The following CYFIP1 variants were observed in gnomAD, a reference collection of about 807,000 sequenced individuals.
CYFIP1 encodes the protein cytoplasmic FMR1-interacting protein 1.
In CYFIP1, 58 loss-of-function variants were observed where a neutral mutation model predicts 163.5. That is an observed-to-expected ratio of 0.35 (90% CI 0.29 to 0.44). The LOEUF is 0.44. Ranked by LOEUF, CYFIP1 falls within the 20% of genes least tolerant of loss-of-function variation. CYFIP1 has a pLI of 1.00. For synonymous variants in CYFIP1, 663 were observed against 660.7 expected, an observed-to-expected ratio of 1.00 and a Z score of -0.05; for missense variants, 1,338 against 1,653.8, an observed-to-expected ratio of 0.81 and a Z score of 3.31.
At chr15:22,951,620 C>T in intron 1 of CYFIP1, 1 of 1,191,766 alleles carries the variant, frequency 8.4e-7, no homozygotes, top group South Asian at 1.3e-5. Flanking sequence ...GGGGCGTGTC[C>T]AGTCATGCCC....
Position 22,917,858 on chromosome 15 carries a change from C to T in CYFIP1, c.1604G>A (p.Gly535Asp), listed in dbSNP as rs2061044078. ...GAAGCCGCTCTTGGGGTCCTTCTCG[C>T]CCCGCAAGGCTGGGTCATTGAAGGG... ...HEPFNDPALR[G>D]EKDPKSGFDI... The change falls in exon 15 of 31, where the codon GGC becomes GAC. Residue 535 changes from glycine to aspartate, a missense_variant. Gly to Asp is a moderately conservative substitution (Grantham distance 94). This residue lies in a region of CYFIP1 where 824 missense variants were observed against 995.7 expected (regional missense o/e 0.83). Transcript: ENST00000617928. This position sits in a 1 kb window ranked among gnomAD's most constrained non-coding sequence, Gnocchi z 4.2. 5 of 1,613,900 alleles carry T rather than the reference C, an allele frequency of 3.1e-6. No individual in the cohort carries two copies. The highest frequency in any genetic ancestry group is 4.2e-6 in the Non-Finnish European group (5 of 1,179,936).
At chr15:22,964,399 A>C (rs1298400617) in intron 1 of CYFIP1, among the ~76,000 whole-genome samples, 2 of 138,726 alleles carry the variant, frequency 1.4e-5, no homozygotes, top group East Asian at 2.2e-4. Flanking sequence ...ACACACACAC[A>C]CACACACACC....
chr15:22,931,712 C>CAAAAAAAAAAA (rs2061544613), intron 11 of CYFIP1, among the ~76,000 whole-genome samples: 5 of 49,906 alleles, frequency 1.0e-4, no homozygotes, highest in Middle Eastern at 0.01. Context: ...AAAAAAAAAG[C>CAAAAAAAAAAA]TTTTTGTACA....
chr15:22,873,884 C>G (rs1000393098), intron 28 of CYFIP1, among the ~76,000 whole-genome samples, 155 bp from the exon 29 acceptor site: 1 of 152,196 alleles, frequency 6.6e-6, no homozygotes, highest in Admixed American at 6.5e-5. Flanking sequence ...CTTGACTTCC[C>G]AGGCTCAAGC....
rs2140095223 is a variant in CYFIP1, at chr15:22,943,333, A to T, written c.409T>A (p.Cys137Ser). The T allele has an allele frequency of 3.1e-6, 5 of 1,614,116 alleles. No individual in the cohort carries two copies. The highest frequency in any genetic ancestry group is 4.2e-6 in the Non-Finnish European group (5 of 1,180,028). ...TGGCACAGGCGCCTCACTTCCCCGC[A>T]GAAACGCTCAATGGCATTTCTCTGT... ...YFQRNAIERF[C>S]GEVRRLCHAE... is the part of the protein sequence containing the mutation. Residue 137 changes from cysteine to serine, a missense_variant, in exon 6 of 31, where the codon TGC becomes AGC. Around this residue, in one of 4 missense-constraint regions of CYFIP1, gnomAD observed 186 missense variants for 288.3 expected, o/e 0.65. Coordinates refer to ENST00000617928, the MANE Select transcript of CYFIP1 (RefSeq NM_014608.6).
chr15:22,933,832 G>A lies in CYFIP1; in HGVS notation c.962C>T (p.Thr321Ile). Residue 321 changes from threonine (T) to isoleucine (I), a missense_variant, in exon 10 of 31, where the codon ACC (threonine) becomes ATC (isoleucine). This residue lies in a region of CYFIP1 where 824 missense variants were observed against 995.7 expected (regional missense o/e 0.83). Transcript: ENST00000617928. ...TTTATTTTCCTCGTAGTGGGCGCTG[G>A]TCTTGATATATCTTGCCAGTTCTAT... ...MQIELARYIK[T>I]SAHYEENKSR... 6.2e-7 allele frequency: 1 copy of A among 1,613,244 alleles called. No homozygotes were observed. The highest frequency in any genetic ancestry group is 8.5e-7 in the Non-Finnish European group (1 of 1,179,706).
At chr15:22,877,212 G>A (rs1212222769) in intron 26 of CYFIP1, among the ~76,000 whole-genome samples, 6 of 152,142 alleles carry the variant, frequency 3.9e-5, no homozygotes, top group Admixed American at 6.5e-5. Context: ...AAGCTCCTGC[G>A]AGAGCAGGTT....
chr15:22,918,394 CAG>C (rs1383541376), intron 14 of CYFIP1, among the ~76,000 whole-genome samples: 2 of 152,154 alleles, frequency 1.3e-5, no homozygotes, highest in Non-Finnish European at 2.9e-5. Context: ...CTCCACCGTG[CAG>C]AGACCCCCAT....
At chr15:22,946,714 G>A (rs1270510010) in intron 3 of CYFIP1, 2 of 586,520 alleles carry the variant, frequency 3.4e-6, no homozygotes, top group Non-Finnish European at 6.3e-6. Flanking sequence ...CATACCTGGT[G>A]TGTGTGGGTG....
intron 22 of CYFIP1, 152 bp from the exon 23 acceptor site, chr15:22,893,129 T>C (rs1390593818): frequency 1.3e-5 from 8 of 630,172 alleles, no homozygotes; most frequent in South Asian, 6.0e-5. Flanking sequence ...TCGAAAACCA[T>C]AGAACGAATG....
At chr15:22,938,385 G>A (rs1316314311) in intron 8 of CYFIP1, among the ~76,000 whole-genome samples, 1 of 152,038 alleles carries the variant, frequency 6.6e-6, no homozygotes, top group Non-Finnish European at 1.5e-5. Flanking sequence ...CAAGAAGATT[G>A]CTTGAGCCCA....
Position 22,868,358 on chromosome 15 carries a change from T to TAATA in CYFIP1, c.*1666_*1669dup, listed in dbSNP as rs762574905. The TAATA allele has an allele frequency of 2.7e-5, 4 of 147,102 alleles. No individual in the cohort carries two copies. The highest frequency in any genetic ancestry group is 6.1e-5 in the Non-Finnish European group (4 of 66,074). 9.1% of individuals were successfully genotyped at this position (147,102 alleles called of 1,614,324 possible). ...GAGACTCATTTGAACATGCATAGGT[T>TAATA]AATAAATAATAAATTCTTATTTAAC... On this transcript the variant is annotated 3_prime_UTR_variant, in exon 31 of 31. Coordinates refer to ENST00000617928, the MANE Select transcript of CYFIP1 (RefSeq NM_014608.6).
chr15:22,954,116 C>T (rs1050414943), intron 1 of CYFIP1, among the ~76,000 whole-genome samples: 16 of 152,102 alleles, frequency 1.1e-4, no homozygotes, highest in Admixed American at 8.5e-4. Context: ...TCCTTCAGCT[C>T]GTGTGGACAG....
At chr15:22,979,266 C>G (rs1316016714) in intron 1 of CYFIP1, among the ~76,000 whole-genome samples, 2 of 152,164 alleles carry the variant, frequency 1.3e-5, no homozygotes, top group Non-Finnish European at 1.5e-5. Flanking sequence ...AGGGAAAAGG[C>G]AGCATGCGTG....
At position 22,916,018 on chromosome 15, in the gene CYFIP1, A is replaced by G. The variant is rs998180962; in HGVS notation, c.1828+459T>C. 5.3e-5 allele frequency among the ~76,000 whole-genome samples: 8 copies of G among 152,308 alleles called. No individual in the cohort carries two copies. The South Asian group carries it at 1.7e-3, about 32-fold the overall frequency. On this transcript the variant is annotated intron_variant, in intron 16 of 30. Transcript: ENST00000617928. ...GGACAACGGAGGACTTGATGAGAACACGGGACAGACACACGGAGGGCAGAG... is the reference window on the plus strand; with the variant it reads ...GGACAACGGAGGACTTGATGAGAACGCGGGACAGACACACGGAGGGCAGAG...
intron 22 of CYFIP1, among the ~76,000 whole-genome samples, chr15:22,894,393 G>A (rs1268800703): frequency 7.2e-6 from 1 of 139,816 alleles, no homozygotes; most frequent in South Asian, 2.4e-4. Context: ...GGATTCAAAC[G>A]ATTCTCCTGC....
In CYFIP1 at chr15:22,873,593, T is replaced by C. The variant is rs2059496661; in HGVS notation, c.3347A>G (p.Asn1116Ser). 1.9e-6 allele frequency: 3 copies of C among 1,614,266 alleles called. No homozygotes were observed. Among genetic ancestry groups the C allele is most frequent in the African/African-American group, 2.7e-5 (2 of 75,082 alleles). ...DPIWRGPLPS[N>S]GVMHVDECVE... ...ACACTCGTCCACATGCATGACCCCATTGCTGGGCAGAGGCCCGCGCCAGAT... is the reference window on the plus strand; with the variant it reads ...ACACTCGTCCACATGCATGACCCCACTGCTGGGCAGAGGCCCGCGCCAGAT... Residue 1116 changes from asparagine to serine, a missense_variant, in exon 29 of 31, where the codon AAT becomes AGT. Physicochemically the swap from Asn to Ser is conservative, Grantham distance 46. This residue lies in a region of CYFIP1 where 306 missense variants were observed against 322.1 expected (regional missense o/e 0.95). Coordinates refer to ENST00000617928, the MANE Select transcript of CYFIP1 (RefSeq NM_014608.6).
chr15:22,911,388 A>C (rs535304723), intron 18 of CYFIP1, among the ~76,000 whole-genome samples: 69 of 152,258 alleles, frequency 4.5e-4, no homozygotes, highest in African/African-American at 1.6e-3. Context: ...GACCACGAGG[A>C]GCTACTGTGC....
rs761852767 is a variant in CYFIP1 at position 22,917,780 on chromosome 15, A to G, written c.1674+8T>C. 3 of 1,596,262 alleles carry G rather than the reference A, an allele frequency of 1.9e-6. No individual in the cohort carries two copies. The African/African-American group carries it at 4.0e-5, about 21-fold the overall frequency. ...AGAGGGTGCAGGCGGGGCTCAAGGG[A>G]CGAGAACCTGAGTGCTGGAGGGTCC... is the stretch of plus-strand genomic sequence containing the variant. On this transcript the variant is annotated splice_region_variant and intron_variant, in intron 15 of 30. Coordinates refer to ENST00000617928, the MANE Select transcript of CYFIP1 (RefSeq NM_014608.6). The surrounding 1 kb of genome is among the most constrained non-coding windows in gnomAD (Gnocchi z 4.2).
Sources: gnomAD v4.1 joint callset for allele counts (sites outside exome capture counted in the v4.1 genomes callset) on GRCh38, gnomAD v4.1.1 for gene constraint, gnomAD v4.1.1 regional missense constraint, Gnocchi (gnomAD v3.1) non-coding constraint, MANE v1.5 for transcripts, NCBI Gene and HGNC (gene_info 2026-07-23, HGNC 2026-07-21) for gene names.